The following ROBO1 variants were observed in gnomAD, a reference collection of about 807,000 sequenced individuals.
ROBO1 encodes the protein roundabout guidance receptor 1, also known as roundabout homolog 1.
Under a neutral mutation model 195.9 loss-of-function variants are expected in ROBO1, and 149 were observed. That is an observed-to-expected ratio of 0.76 (90% CI 0.67 to 0.87). The LOEUF is 0.87. Ranked by LOEUF, ROBO1 falls within the 40% of genes least tolerant of loss-of-function variation. The pLI, the probability that ROBO1 is intolerant of heterozygous loss-of-function variation, is 0.00. For missense variants in ROBO1, 1,933 were observed against 2,068.3 expected, an observed-to-expected ratio of 0.93 and a Z score of 1.27; for synonymous variants, 816 against 733.2, an observed-to-expected ratio of 1.11 and a Z score of -1.82.
At chr3:79,325,761 T>C (rs1319835039) in intron 2 of ROBO1, among the ~76,000 whole-genome samples, 1 of 152,160 alleles carries the variant, frequency 6.6e-6, no homozygotes, top group Admixed American at 6.6e-5. Flanking sequence ...TTGTAGAGCA[T>C]GTGTGTTTGA....
chr3:79,766,858 A>C (rs1396333390), intron 1 of ROBO1, among the ~76,000 whole-genome samples: 3 of 152,156 alleles, frequency 2.0e-5, no homozygotes, highest in Non-Finnish European at 4.4e-5. Context: ...TACGTTTTCC[A>C]GCTAAACGCC....
intron 2 of ROBO1, among the ~76,000 whole-genome samples, chr3:79,244,261 T>G (rs1310462300): frequency 6.6e-6 from 1 of 152,118 alleles, no homozygotes; most frequent in African/African-American, 2.4e-5. Context: ...CCTCTGACTA[T>G]TTGCTCCTCA....
intron 1 of ROBO1, among the ~76,000 whole-genome samples, chr3:79,652,014 AC>A (rs1946024252): frequency 6.6e-6 from 1 of 152,142 alleles, no homozygotes; most frequent in African/African-American, 2.4e-5. Context: ...CCGTCTATTA[AC>A]AAATTCTATG....
At chr3:78,803,081 T>G (rs1213117964) in intron 4 of ROBO1, among the ~76,000 whole-genome samples, 1 of 152,130 alleles carries the variant, frequency 6.6e-6, no homozygotes, top group Non-Finnish European at 1.5e-5. Flanking sequence ...GGGAGAAAAT[T>G]TGCCATTGTA....
rs138195046 is a variant in ROBO1 at position 79,120,065 on chromosome 3, C to T, written c.172+5391G>A. Among the ~76,000 whole-genome samples, 93 of 152,276 alleles carry T rather than the reference C, an allele frequency of 6.1e-4. 1 individual carries two copies. The East Asian group carries it at 0.017, about 27-fold the overall frequency. On this transcript the variant is annotated intron_variant, in intron 3 of 30. Transcript: ENST00000464233. ...GGGATTACAGGTGTGAGCCACCATG[C>T]CCGGCTGTGATTCATGGTTTTGATC... is the stretch of plus-strand genomic sequence containing the variant.
chr3:79,523,161 CCACACACACACACA>C (rs139825740), intron 2 of ROBO1, among the ~76,000 whole-genome samples: 5 of 146,268 alleles, frequency 3.4e-5, no homozygotes, highest in Non-Finnish European at 7.6e-5. Context: ...GCTTCATAAA[CCACACACACACACA>C]CACACACACA....
At position 78,717,422 on chromosome 3, in the gene ROBO1, A is replaced by T; in HGVS notation, c.779-9T>A. 1 of 1,612,792 alleles carries T rather than the reference A, an allele frequency of 6.2e-7. No homozygotes were observed. Among genetic ancestry groups the T allele is most frequent in the Non-Finnish European group, 8.5e-7 (1 of 1,178,930 alleles). ...CACAAATGATGGTCTCTCTAAAATT[A>T]AAAAGAGTCATCTTAAGGTAAAATT... On this transcript the variant is annotated splice_polypyrimidine_tract_variant and intron_variant, in intron 6 of 30. Coordinates refer to ENST00000464233, the MANE Select transcript of ROBO1 (RefSeq NM_002941.4).
chr3:78,671,677 CTCT>C lies in ROBO1; in HGVS notation c.1343-1379_1343-1377del, dbSNP rs544945585. Among the ~76,000 whole-genome samples the C allele has an allele frequency of 6.6e-5, 10 of 151,850 alleles. No homozygotes were observed. In the East Asian group the frequency reaches 1.7e-3, roughly 26 times the overall value. On this transcript the variant is annotated intron_variant, in intron 10 of 30. Transcript: ENST00000464233. ...GCATTTCCACTCTACTCTTCCAATTCTCTTCTTTGTCTTGGTTACCAGGGTGAA... is the reference window on the plus strand; with the variant it reads ...GCATTTCCACTCTACTCTTCCAATTCTCTTTGTCTTGGTTACCAGGGTGAA...
chr3:78,718,826 G>A (rs1426500613), intron 5 of ROBO1, among the ~76,000 whole-genome samples: 1 of 132,570 alleles, frequency 7.5e-6, no homozygotes, highest in African/African-American at 2.9e-5. Flanking sequence ...GAGAGAGGGA[G>A]AGAGGGAGAG....
At chr3:79,729,278 G>T (rs1184424776) in intron 1 of ROBO1, among the ~76,000 whole-genome samples, 1 of 152,102 alleles carries the variant, frequency 6.6e-6, no homozygotes, top group African/African-American at 2.4e-5. Context: ...CTCACAGCAC[G>T]ACTTGGCCTA....
At chr3:79,408,828 C>T (rs12487760) in intron 2 of ROBO1, among the ~76,000 whole-genome samples, 52,140 of 151,936 alleles carry the variant, frequency 0.34, 10,106 homozygotes, top group Admixed American at 0.48. Flanking sequence ...CAACAGATAT[C>T]TTTGTAAATA....
At chr3:78,638,791 T>A (rs1705723102) in intron 22 of ROBO1, among the ~76,000 whole-genome samples, 1 of 152,064 alleles carries the variant, frequency 6.6e-6, no homozygotes, top group African/African-American at 2.4e-5. Flanking sequence ...AGAGGATTAG[T>A]TGAGCCCAGG....
chr3:79,163,848 A>G (rs1235216334), intron 2 of ROBO1, among the ~76,000 whole-genome samples: 1 of 152,192 alleles, frequency 6.6e-6, no homozygotes, highest in Non-Finnish European at 1.5e-5. Context: ...AACAAATGTC[A>G]TTATAAGATG....
At chr3:79,502,839 T>G (rs1940174087) in intron 2 of ROBO1, among the ~76,000 whole-genome samples, 2 of 152,174 alleles carry the variant, frequency 1.3e-5, no homozygotes, top group African/African-American at 2.4e-5. Flanking sequence ...GCAGTCTGTA[T>G]CTAGCTAATC....
chr3:79,183,101 A>G (rs1452220225), intron 2 of ROBO1, among the ~76,000 whole-genome samples: 1 of 151,362 alleles, frequency 6.6e-6, no homozygotes, highest in Non-Finnish European at 1.5e-5. Context: ...AAAAAAAGAT[A>G]CATAGAGAGA....
At chr3:79,671,556 C>A (rs1473735902) in intron 1 of ROBO1, among the ~76,000 whole-genome samples, 1 of 151,788 alleles carries the variant, frequency 6.6e-6, no homozygotes, top group Non-Finnish European at 1.5e-5. Context: ...AAAACAATGG[C>A]ATTTGTTTTT....
intron 4 of ROBO1, among the ~76,000 whole-genome samples, chr3:78,757,731 T>A (rs1020680030): frequency 4.6e-5 from 7 of 151,982 alleles, no homozygotes; most frequent in Non-Finnish European, 7.4e-5. Context: ...AATTATAACA[T>A]CCCCTCCCCA....
intron 3 of ROBO1, among the ~76,000 whole-genome samples, chr3:79,103,602 A>G (rs2079719024): frequency 6.6e-6 from 1 of 151,786 alleles, no homozygotes; most frequent in South Asian, 2.1e-4. Flanking sequence ...GCAAATAGCT[A>G]ACTCAGACTA....
intron 4 of ROBO1, among the ~76,000 whole-genome samples, chr3:78,933,079 A>C (rs2039618514): frequency 6.6e-6 from 1 of 152,142 alleles, no homozygotes; most frequent in African/African-American, 2.4e-5. Context: ...GTGAGCCTAT[A>C]ATCTGTTTAA....
Sources: gnomAD v4.1 joint callset for allele counts (sites outside exome capture counted in the v4.1 genomes callset) on GRCh38, gnomAD v4.1.1 for gene constraint, MANE v1.5 for transcripts, NCBI Gene and HGNC (gene_info 2026-07-23, HGNC 2026-07-21) for gene names.